TOP6BL: variants seen among roughly 807,000 people sequenced by gnomAD.
TOP6BL encodes type 2 DNA topoisomerase 6 subunit B-like.
the TOP6BL span, among the ~76,000 whole-genome samples, chr11:66,753,216 C>T: frequency 6.6e-6 from 1 of 152,086 alleles, no homozygotes; most frequent in East Asian, 1.9e-4. Flanking sequence ...TGTGTGTATG[C>T]AGGCAAGCAG....
chr11:66,823,948 G>A, the TOP6BL span, among the ~76,000 whole-genome samples: 1 of 152,182 alleles, frequency 6.6e-6, no homozygotes, highest in East Asian at 1.9e-4. Context: ...CCTATTACGT[G>A]TATGTGGCAG....
At chr11:66,808,779 A>G in the TOP6BL span, among the ~76,000 whole-genome samples, 1,642 of 152,314 alleles carry the variant, frequency 0.011, 35 homozygotes, top group African/African-American at 0.037. Flanking sequence ...CAAAAATAAA[A>G]CAAAGAGACA....
At chr11:66,842,783 C>T in the TOP6BL span, 1 of 1,444,692 alleles carries the variant, frequency 6.9e-7, no homozygotes, top group Middle Eastern at 2.2e-4. Flanking sequence ...CAGGCTTCCC[C>T]TTGGCCAAGG....
At chr11:66,819,213 C>T in the TOP6BL span, among the ~76,000 whole-genome samples, 2 of 152,106 alleles carry the variant, frequency 1.3e-5, no homozygotes, top group Admixed American at 1.3e-4. Context: ...GGCCTTATGC[C>T]CACCTACCTT....
the TOP6BL span, among the ~76,000 whole-genome samples, chr11:66,800,261 T>G: frequency 6.6e-6 from 1 of 152,150 alleles, no homozygotes; most frequent in African/African-American, 2.4e-5. Context: ...GAGTTGTTAG[T>G]TAAAGTGTAC....
the TOP6BL span, among the ~76,000 whole-genome samples, chr11:66,812,203 G>T: frequency 1.7e-5 from 1 of 59,224 alleles, no homozygotes; most frequent in Admixed American, 1.3e-4. Flanking sequence ...TTGAGACGGA[G>T]TCTGGCTCTG....
the TOP6BL span, chr11:66,821,661 C>T: frequency 1.9e-6 from 3 of 1,609,148 alleles, no homozygotes; most frequent in African/African-American, 4.0e-5. Flanking sequence ...ACTTTGCTCA[C>T]AACTCATCTC....
chr11:66,805,964 CATTA>C, the TOP6BL span, among the ~76,000 whole-genome samples: 1 of 152,000 alleles, frequency 6.6e-6, no homozygotes, highest in African/African-American at 2.4e-5. Context: ...GATAAAAAAA[CATTA>C]ATAGCAGATT....
At chr11:66,767,816 G>C in the TOP6BL span, among the ~76,000 whole-genome samples, 1 of 152,070 alleles carries the variant, frequency 6.6e-6, no homozygotes, top group Non-Finnish European at 1.5e-5. Flanking sequence ...TTGGAGGCAG[G>C]GTCTTGCTCT....
At chr11:66,793,726 G>C in the TOP6BL span, among the ~76,000 whole-genome samples, 2 of 152,028 alleles carry the variant, frequency 1.3e-5, no homozygotes, top group African/African-American at 4.8e-5. Context: ...GATTACAGGT[G>C]TGAGCCACTG....
the TOP6BL span, among the ~76,000 whole-genome samples, chr11:66,793,302 A>G: frequency 3.3e-4 from 50 of 151,728 alleles, no homozygotes; most frequent in African/African-American, 1.0e-3. Context: ...CATGTTGGCC[A>G]GGCTGGTCTT....
At chr11:66,809,196 TATAA>T in the TOP6BL span, among the ~76,000 whole-genome samples, 1 of 152,160 alleles carries the variant, frequency 6.6e-6, no homozygotes, top group Non-Finnish European at 1.5e-5. Flanking sequence ...AATCAAGCAG[TATAA>T]ATAAAAAAGA....
the TOP6BL span, among the ~76,000 whole-genome samples, chr11:66,774,029 T>G: frequency 6.6e-6 from 1 of 152,212 alleles, no homozygotes; most frequent in East Asian, 1.9e-4. Context: ...ATGCCCAGCC[T>G]ATATAATTTC....
chr11:66,805,862 G>T, the TOP6BL span, among the ~76,000 whole-genome samples: 2 of 152,150 alleles, frequency 1.3e-5, no homozygotes, highest in African/African-American at 4.8e-5. Flanking sequence ...CATTTAAAAT[G>T]AGTGAATTGT....
chr11:66,770,814 C>T, the TOP6BL span, among the ~76,000 whole-genome samples: 1 of 152,140 alleles, frequency 6.6e-6, no homozygotes, highest in South Asian at 2.1e-4. Context: ...GCCTCCTTAC[C>T]CATCGTTGGC....
the TOP6BL span, among the ~76,000 whole-genome samples, chr11:66,841,514 AC>A: frequency 6.6e-6 from 1 of 152,118 alleles, no homozygotes; most frequent in Admixed American, 6.5e-5. Flanking sequence ...CACTGTCTTT[AC>A]TTGTTATTGG....
At chr11:66,791,780 T>TA in the TOP6BL span, among the ~76,000 whole-genome samples, 1 of 151,958 alleles carries the variant, frequency 6.6e-6, no homozygotes, top group African/African-American at 2.4e-5. Context: ...CACCCAACTG[T>TA]AAAAGGCTTT....
chr11:66,805,806 A>G, the TOP6BL span, among the ~76,000 whole-genome samples: 1 of 152,188 alleles, frequency 6.6e-6, no homozygotes, highest in African/African-American at 2.4e-5. Flanking sequence ...TGATGGTGGT[A>G]GTGACTGCAC....
the TOP6BL span, among the ~76,000 whole-genome samples, chr11:66,759,368 T>G: frequency 6.6e-6 from 1 of 152,216 alleles, no homozygotes; most frequent in Non-Finnish European, 1.5e-5. Flanking sequence ...CCTAGATCAC[T>G]GTAGCTTTTC....
Sources: gnomAD v4.1 joint callset for allele counts (sites outside exome capture counted in the v4.1 genomes callset) on GRCh38, gnomAD v4.1.1 for gene constraint, MANE v1.5 for transcripts, NCBI Gene and HGNC (gene_info 2026-07-23, HGNC 2026-07-21) for gene names.